SH2D4A: variants seen among roughly 807,000 people sequenced by gnomAD.
SH2D4A encodes the protein SH2 domain containing 4A, also known as SH2 domain-containing protein 4A.
In SH2D4A, 70 loss-of-function variants were observed where a neutral mutation model predicts 64.7. The ratio of observed to expected loss-of-function variants is 1.08; its 90% CI spans 0.89 to 1.32. The LOEUF is 1.32. Among genes scored for constraint, SH2D4A ranks in the 40% most tolerant of loss-of-function variants. The pLI, the probability that SH2D4A is intolerant of heterozygous loss-of-function variation, is 0.00. For missense variants in SH2D4A, 706 were observed against 540.1 expected (o/e 1.31, Z -3.04); for synonymous variants, 268 against 200.7 (o/e 1.34, Z -2.83).
intron 4 of SH2D4A, among the ~76,000 whole-genome samples, chr8:19,336,886 A>C (rs1025762236): frequency 2.0e-5 from 3 of 152,078 alleles, no homozygotes; most frequent in Admixed American, 6.6e-5. Context: ...AGTATTAAGT[A>C]TGTATGCTTA....
intron 8 of SH2D4A, among the ~76,000 whole-genome samples, chr8:19,382,821 T>C (rs1216767137): frequency 2.8e-5 from 4 of 140,864 alleles, no homozygotes; most frequent in Non-Finnish European, 6.1e-5. Flanking sequence ...GCTTTTAAGA[T>C]TCTTTTTTTT....
intron 8 of SH2D4A, among the ~76,000 whole-genome samples, chr8:19,384,655 T>A (rs745530737): frequency 4.6e-5 from 7 of 152,212 alleles, no homozygotes; most frequent in Non-Finnish European, 1.0e-4. Flanking sequence ...GTCATCCCAG[T>A]TATTCTGGCT....
At chr8:19,314,293 C>A (rs183807024) in intron 1 of SH2D4A, among the ~76,000 whole-genome samples, 1 of 152,172 alleles carries the variant, frequency 6.6e-6, no homozygotes, top group African/African-American at 2.4e-5. Context: ...CCTCGACTTG[C>A]GCATGGAAAT....
intron 7 of SH2D4A, among the ~76,000 whole-genome samples, chr8:19,365,975 A>G (rs2052987179): frequency 6.6e-6 from 1 of 152,154 alleles, no homozygotes; most frequent in Non-Finnish European, 1.5e-5. Context: ...AATGCTCCGA[A>G]AATCATTAGG....
chr8:19,388,546 A>G (rs2153652172), intron 8 of SH2D4A, among the ~76,000 whole-genome samples: 1 of 152,316 alleles, frequency 6.6e-6, no homozygotes, highest in Middle Eastern at 3.4e-3. Context: ...ATATCTATGT[A>G]GGGTTGCGGT....
chr8:19,357,429 G>T, intron 5 of SH2D4A, 146 bp downstream of exon 5: 2 of 667,628 alleles, frequency 3.0e-6, no homozygotes, highest in Non-Finnish European at 5.2e-6. Flanking sequence ...ACACAGTTCT[G>T]CATCTTTACC....
At chr8:19,378,774 G>C (rs2053238072) in intron 8 of SH2D4A, among the ~76,000 whole-genome samples, 1 of 151,900 alleles carries the variant, frequency 6.6e-6, no homozygotes, top group Non-Finnish European at 1.5e-5. Context: ...GGTCATGTGT[G>C]GTGGCTCCCA....
intron 2 of SH2D4A, among the ~76,000 whole-genome samples, chr8:19,322,669 T>C (rs1776265800): frequency 4.7e-5 from 7 of 148,700 alleles, no homozygotes; most frequent in African/African-American, 1.7e-4. Context: ...CAAGCTGCAG[T>C]GCAGTGGTGT....
intron 2 of SH2D4A, among the ~76,000 whole-genome samples, chr8:19,322,429 T>C (rs2052207361): frequency 6.6e-6 from 1 of 152,038 alleles, no homozygotes; most frequent in Non-Finnish European, 1.5e-5. Flanking sequence ...GGTTGTTCAT[T>C]TCATTAAAAA....
chr8:19,375,670 A>G (rs1028152870), intron 8 of SH2D4A: 1 of 152,136 alleles, frequency 6.6e-6, no homozygotes, highest in African/African-American at 2.4e-5. Context: ...AGAGTGTTCT[A>G]TTTCACAGCA....
chr8:19,395,547 C>T lies in SH2D4A; in HGVS notation c.*905C>T, dbSNP rs2053575168. 6.6e-6 allele frequency: 1 copy of T among 152,108 alleles called. No individual in the cohort carries two copies. Among genetic ancestry groups the T allele is most frequent in the African/African-American group, 2.4e-5 (1 of 41,418 alleles). The allele number at this position is 152,108 out of a possible 1,614,324, so 9.4% of individuals were successfully genotyped here. On this transcript the variant is annotated 3_prime_UTR_variant, in exon 10 of 10. Transcript: ENST00000265807. Reference sequence around the variant, plus strand: ...AGGTCACATTGGATTAGGGTGGGCCCCAAATCCAATGACTGGCATCCTTAG... The same window carrying T: ...AGGTCACATTGGATTAGGGTGGGCCTCAAATCCAATGACTGGCATCCTTAG...
intron 2 of SH2D4A, among the ~76,000 whole-genome samples, chr8:19,324,309 T>C (rs778387211): frequency 1.3e-5 from 2 of 152,354 alleles, no homozygotes; most frequent in South Asian, 2.1e-4. Flanking sequence ...GGCTCCTCTG[T>C]GTGCCCTTGA....
At chr8:19,331,038 A>G (rs2052358216) in intron 2 of SH2D4A, among the ~76,000 whole-genome samples, 1 of 152,122 alleles carries the variant, frequency 6.6e-6, no homozygotes, top group African/African-American at 2.4e-5. Flanking sequence ...CAGTGAAAAC[A>G]GTAAATGGGA....
chr8:19,321,807 T>C (rs1179859028), intron 2 of SH2D4A, among the ~76,000 whole-genome samples: 1 of 152,162 alleles, frequency 6.6e-6, no homozygotes, highest in Non-Finnish European at 1.5e-5. Context: ...AGCCAAAGGG[T>C]TCTTGCCACT....
chr8:19,385,989 C>G (rs1483108483), intron 8 of SH2D4A, among the ~76,000 whole-genome samples: 1 of 152,128 alleles, frequency 6.6e-6, no homozygotes, highest in East Asian at 1.9e-4. Context: ...GTTCTTAAAC[C>G]TCAGATGACA....
intron 1 of SH2D4A, among the ~76,000 whole-genome samples, chr8:19,316,145 A>G (rs1213274665): frequency 6.6e-6 from 1 of 152,226 alleles, no homozygotes; most frequent in Non-Finnish European, 1.5e-5. Flanking sequence ...CACCAGTACC[A>G]TTCAGCAGTG....
At chr8:19,363,871 A>G (rs1037358068) in intron 6 of SH2D4A, 5 of 589,454 alleles carry the variant, frequency 8.5e-6, no homozygotes, top group South Asian at 2.1e-5. Context: ...CCAGTCCTGT[A>G]TGAAGAGAGG....
At position 19,363,772 on chromosome 8, in the gene SH2D4A, G is replaced by A. The variant is rs532046986; in HGVS notation, c.707-300G>A. 171 of 399,772 alleles carry A rather than the reference G, an allele frequency of 4.3e-4. 1 individual carries two copies. Among genetic ancestry groups the A allele is most frequent in the Non-Finnish European group, 7.2e-4 (154 of 214,584 alleles). 24.8% of individuals were successfully genotyped at this position (399,772 alleles called of 1,614,324 possible). On this transcript the variant is annotated intron_variant, in intron 6 of 9. Coordinates refer to ENST00000265807, the MANE Select transcript of SH2D4A (RefSeq NM_022071.4). ...AGGCGGGGGATCCTCACTTGGTCTTGCCAACTGCAGGAAATTCTTGCACAC... is the reference window on the plus strand; with the variant it reads ...AGGCGGGGGATCCTCACTTGGTCTTACCAACTGCAGGAAATTCTTGCACAC...
At chr8:19,370,450 G>C (rs1176260920) in intron 7 of SH2D4A, among the ~76,000 whole-genome samples, 3 of 152,038 alleles carry the variant, frequency 2.0e-5, no homozygotes, top group Middle Eastern at 6.8e-3. Flanking sequence ...ATTTATAACT[G>C]TTCTTGCTGT....
Sources: allele counts gnomAD v4.1 joint callset (sites outside exome capture counted in the v4.1 genomes callset), GRCh38; gene constraint gnomAD v4.1.1; transcripts MANE v1.5; gene names NCBI Gene and HGNC (gene_info 2026-07-23, HGNC 2026-07-21).